Variants in TEX9 observed in about 807,000 individuals in gnomAD.
TEX9 encodes testis expressed 9.
A neutral mutation model predicts 59.6 loss-of-function variants in TEX9; 74 were observed. The observed-to-expected ratio is 1.24, with a 90% CI of 1.03 to 1.51. The LOEUF (loss-of-function observed/expected upper bound fraction) is 1.51, where lower values mean the gene tolerates loss of function less well. TEX9 is among the 40% of genes most tolerant of loss of function. The pLI is 0.00. For synonymous variants in TEX9, 186 were observed against 152.2 expected (o/e 1.22, Z -1.64); for missense variants, 522 against 447.8 (o/e 1.17, Z -1.49).
At chr15:56,349,903 A>G (rs75463341) in intron 1 of TEX9, among the ~76,000 whole-genome samples, 4,561 of 152,104 alleles carry the variant, frequency 0.03, 219 homozygotes, top group African/African-American at 0.1. Context: ...CTCATTTCTC[A>G]TTTCTCTCTT....
At chr15:56,413,276 TTAAATAATTTAATAA>T (rs1240892180) in intron 10 of TEX9, among the ~76,000 whole-genome samples, 1,509 of 5,406 alleles carry the variant, frequency 0.28, 21 homozygotes, top group African/African-American at 0.39. Context: ...AATTTAATAA[TTAAATAATTTAATAA>T]TAAATTATTT....
intron 1 of TEX9, among the ~76,000 whole-genome samples, chr15:56,250,071 T>C (rs575894330): frequency 2.6e-5 from 4 of 152,252 alleles, no homozygotes; most frequent in Non-Finnish European, 4.4e-5. Flanking sequence ...AGAACTGAGA[T>C]TGGATTTCCT....
chr15:56,425,633 T>TTAGTTC (rs2050201998), intron 10 of TEX9, among the ~76,000 whole-genome samples: 1 of 152,166 alleles, frequency 6.6e-6, no homozygotes, highest in Non-Finnish European at 1.5e-5. Flanking sequence ...TAGTTGTCAA[T>TTAGTTC]ATTCTCCTTC....
chr15:56,395,955 A>G (rs2048450840), intron 9 of TEX9: 1 of 152,190 alleles, frequency 6.6e-6, no homozygotes, highest in Non-Finnish European at 1.5e-5. Flanking sequence ...CTAAAGGCAC[A>G]AAAGTTTTAA....
At chr15:56,403,394 G>C (rs1489364313) in intron 9 of TEX9, among the ~76,000 whole-genome samples, 5 of 152,138 alleles carry the variant, frequency 3.3e-5, no homozygotes, top group African/African-American at 1.2e-4. Flanking sequence ...GCTACAAAGA[G>C]AATCAAATAC....
intron 12 of TEX9, among the ~76,000 whole-genome samples, chr15:56,433,908 C>T (rs1175690071): frequency 1.3e-5 from 2 of 151,944 alleles, no homozygotes; most frequent in Non-Finnish European, 2.9e-5. Context: ...GTGACATGGA[C>T]TTAGTTTTAT....
At chr15:56,410,651 C>G (rs1434360820) in intron 9 of TEX9, among the ~76,000 whole-genome samples, 1 of 152,076 alleles carries the variant, frequency 6.6e-6, no homozygotes, top group African/African-American at 2.4e-5. Flanking sequence ...CCACACCTCC[C>G]AAGAAGAGGG....
At chr15:56,278,276 A>G (rs2044727677) in intron 1 of TEX9, among the ~76,000 whole-genome samples, 1 of 152,156 alleles carries the variant, frequency 6.6e-6, no homozygotes, top group Non-Finnish European at 1.5e-5. Flanking sequence ...AATGCCATAT[A>G]TAGTGCATGA....
intron 9 of TEX9, among the ~76,000 whole-genome samples, chr15:56,404,118 G>T (rs972383600): frequency 9.9e-5 from 15 of 152,164 alleles, no homozygotes; most frequent in African/African-American, 3.6e-4. Flanking sequence ...GGCAACAAAA[G>T]CCAAAATAGA....
At chr15:56,396,568 G>GTTTTTTTTTTTTTT (rs11436613) in intron 9 of TEX9, 1 of 120,204 alleles carries the variant, frequency 8.3e-6, no homozygotes, top group Non-Finnish European at 1.6e-5. Context: ...TTTTGAATCT[G>GTTTTTTTTTTTTTT]TTTTTTTTTT....
At position 56,369,410 on chromosome 15, in the gene TEX9, A is replaced by G. The variant is rs138649834; in HGVS notation, c.119+3740A>G. Among the ~76,000 whole-genome samples the G allele has an allele frequency of 8.8e-3, 1,327 of 151,560 alleles. 22 individuals are homozygous for G. The highest frequency in any genetic ancestry group is 0.03 in the African/African-American group (1,244 of 41,322). The stretch of plus-strand genomic sequence containing the variant: ...ACCCTGTTGCCCAGACTGGAGTGCA[A>G]TGGTGTGATCTCAGCCCACTGCAAC... On this transcript the variant is annotated intron_variant, in intron 2 of 12. Transcript: ENST00000352903.
At chr15:56,309,203 C>G (rs77047749) in intron 1 of TEX9, among the ~76,000 whole-genome samples, 6,690 of 152,080 alleles carry the variant, frequency 0.044, 223 homozygotes, top group Admixed American at 0.087. Context: ...GGTTTTTTAT[C>G]GATGGTCTTT....
At chr15:56,422,171 A>G (rs1294990541) in intron 10 of TEX9, among the ~76,000 whole-genome samples, 1 of 150,948 alleles carries the variant, frequency 6.6e-6, no homozygotes, top group African/African-American at 2.5e-5. Flanking sequence ...TAATGGGTGC[A>G]GCACACCAGC....
intron 1 of TEX9, among the ~76,000 whole-genome samples, chr15:56,245,065 C>T (rs555778710): frequency 1.6e-4 from 24 of 152,270 alleles, no homozygotes; most frequent in African/African-American, 5.3e-4. Context: ...TATCAGGTTT[C>T]TACCTGTTAG....
chr15:56,284,498 TATTA>T (rs2044897327), intron 1 of TEX9, among the ~76,000 whole-genome samples: 1 of 152,070 alleles, frequency 6.6e-6, no homozygotes, highest in Non-Finnish European at 1.5e-5. Flanking sequence ...TGTTATATAA[TATTA>T]ATTAAAATAA....
chr15:56,341,531 G>A (rs1023581221), intron 1 of TEX9, among the ~76,000 whole-genome samples: 3 of 152,044 alleles, frequency 2.0e-5, no homozygotes, highest in Non-Finnish European at 4.4e-5. Flanking sequence ...GTCATTGGTT[G>A]GATTTCCTAG....
chr15:56,300,688 A>G (rs2045325809), intron 1 of TEX9, among the ~76,000 whole-genome samples: 1 of 52,002 alleles, frequency 1.9e-5, no homozygotes, highest in African/African-American at 6.5e-5. Flanking sequence ...AACTCAGCAG[A>G]GAGAGAGAGA....
At chr15:56,334,341 C>T (rs994368491) in intron 1 of TEX9, among the ~76,000 whole-genome samples, 2 of 151,990 alleles carry the variant, frequency 1.3e-5, no homozygotes, top group Non-Finnish European at 1.5e-5. Flanking sequence ...GTAGAGAGCC[C>T]GGAAATAAGT....
intron 1 of TEX9, among the ~76,000 whole-genome samples, chr15:56,288,886 C>G (rs2045016362): frequency 6.6e-6 from 1 of 152,068 alleles, no homozygotes; most frequent in Non-Finnish European, 1.5e-5. Flanking sequence ...TTTTTTGATG[C>G]TATCCCATAA....
Sources: allele counts gnomAD v4.1 joint callset (sites outside exome capture counted in the v4.1 genomes callset), GRCh38; gene constraint gnomAD v4.1.1; transcripts MANE v1.5; gene names NCBI Gene and HGNC (gene_info 2026-07-23, HGNC 2026-07-21).